Variants in OSBPL8 observed in about 807,000 individuals in gnomAD.
OSBPL8 encodes oxysterol-binding protein-related protein 8.
In OSBPL8, 59 loss-of-function variants were observed where a neutral mutation model predicts 125.5. That is an observed-to-expected ratio of 0.47 (90% CI 0.38 to 0.58). The LOEUF (loss-of-function observed/expected upper bound fraction) is 0.58. Among genes scored for constraint, OSBPL8 ranks in the 20% least tolerant of loss-of-function variants. The pLI is 0.00. For missense variants in OSBPL8, 758 were observed against 1,047.8 expected (o/e 0.72, Z 3.82); for synonymous variants, 330 against 338.9 (o/e 0.97, Z 0.29).
chr12:76,447,712 T>A (rs1197614223), intron 4 of OSBPL8, among the ~76,000 whole-genome samples: 1 of 152,074 alleles, frequency 6.6e-6, no homozygotes, highest in Non-Finnish European at 1.5e-5. Context: ...CCTGGCTAAT[T>A]TTTTTGTATT....
chr12:76,513,740 C>T, intron 1 of OSBPL8, among the ~76,000 whole-genome samples: 1 of 135,652 alleles, frequency 7.4e-6, no homozygotes, highest in Admixed American at 7.4e-5. Flanking sequence ...ATTCTAACCC[C>T]TGGGTTTTTT....
At chr12:76,457,319 G>A (rs978671600) in intron 3 of OSBPL8, among the ~76,000 whole-genome samples, 2 of 152,160 alleles carry the variant, frequency 1.3e-5, no homozygotes, top group Non-Finnish European at 2.9e-5. Context: ...GAATGGCAAC[G>A]TGTACGGTGT....
intron 3 of OSBPL8, among the ~76,000 whole-genome samples, chr12:76,453,581 A>C (rs1297350476): frequency 6.6e-6 from 1 of 152,210 alleles, no homozygotes; most frequent in East Asian, 1.9e-4. Context: ...GAATAGTTCT[A>C]TGAAGACTAC....
At chr12:76,468,359 C>T (rs1159603086) in intron 2 of OSBPL8, among the ~76,000 whole-genome samples, 1 of 152,226 alleles carries the variant, frequency 6.6e-6, no homozygotes, top group Non-Finnish European at 1.5e-5. Context: ...CTCCACTTAA[C>T]TCAAACTCCA....
chr12:76,451,786 G>A (rs760391622), intron 3 of OSBPL8, among the ~76,000 whole-genome samples: 54 of 152,090 alleles, frequency 3.6e-4, no homozygotes, highest in Non-Finnish European at 4.7e-4. Flanking sequence ...AGTACCTGAG[G>A]ATCTCCACAT....
intron 6 of OSBPL8, among the ~76,000 whole-genome samples, chr12:76,401,598 G>T (rs756680905): frequency 6.6e-6 from 1 of 152,012 alleles, no homozygotes; most frequent in Non-Finnish European, 1.5e-5. Flanking sequence ...ATTCAAACAG[G>T]GGCAAACTAG....
intron 17 of OSBPL8, among the ~76,000 whole-genome samples, chr12:76,374,478 G>A (rs1353202729): frequency 6.6e-6 from 1 of 152,104 alleles, no homozygotes; most frequent in Non-Finnish European, 1.5e-5. Context: ...CTAGGTCATG[G>A]AAAGGAAATG....
intron 1 of OSBPL8, among the ~76,000 whole-genome samples, chr12:76,519,737 AGC>A (rs1237749586): frequency 2.0e-5 from 3 of 152,160 alleles, no homozygotes; most frequent in Non-Finnish European, 2.9e-5. Flanking sequence ...GAAGGGGAGC[AGC>A]ATATCACATG....
intron 21 of OSBPL8, among the ~76,000 whole-genome samples, chr12:76,363,140 C>G (rs1952273282): frequency 6.6e-6 from 1 of 152,218 alleles, no homozygotes; most frequent in Non-Finnish European, 1.5e-5. Flanking sequence ...CTATACCCCT[C>G]AAGCTACCAC....
At chr12:76,431,698 A>G (rs965144062) in intron 4 of OSBPL8, among the ~76,000 whole-genome samples, 1 of 152,206 alleles carries the variant, frequency 6.6e-6, no homozygotes, top group African/African-American at 2.4e-5. Flanking sequence ...ATAGGAAGAC[A>G]GAACAACTAC....
Position 76,380,351 on chromosome 12 carries a change from T to C in OSBPL8, c.1631-1801A>G, listed in dbSNP as rs1952989728. Among the ~76,000 whole-genome samples, 9 of 152,246 alleles carry C rather than the reference T, an allele frequency of 5.9e-5. No homozygotes were observed. The South Asian group carries it at 1.9e-3, about 32-fold the overall frequency. ...GTATACACGACTTACACATCTTTTA[T>C]TAAATTTATTTTTAAATACATTATT... On this transcript the variant is annotated intron_variant, in intron 15 of 23. Transcript: ENST00000261183.
chr12:76,558,469 T>C (rs761493264), intron 1 of OSBPL8, among the ~76,000 whole-genome samples: 31 of 152,342 alleles, frequency 2.0e-4, no homozygotes, highest in African/African-American at 6.5e-4. Flanking sequence ...TTAACTGCCA[T>C]GCAGGAGACA....
intron 1 of OSBPL8, among the ~76,000 whole-genome samples, chr12:76,539,473 T>C (rs1401480199): frequency 6.6e-6 from 1 of 151,600 alleles, no homozygotes; most frequent in African/African-American, 2.4e-5. Flanking sequence ...TAAAAACAGA[T>C]AAAAATAAAA....
rs73385558 is a variant in OSBPL8 at position 76,527,287 on chromosome 12, C to T, written c.-68+32110G>A. Among the ~76,000 whole-genome samples the T allele has an allele frequency of 5.0e-3, 765 of 152,122 alleles. 9 individuals are homozygous for T. The highest frequency in any genetic ancestry group is 0.018 in the African/African-American group (735 of 41,462). The stretch of plus-strand genomic sequence containing the variant: ...TGCAACATGAGGCAACTTACAATAA[C>T]TACAACCAATCAATAAAGTACATTA... On this transcript the variant is annotated intron_variant, in intron 1 of 23. Coordinates refer to ENST00000261183, the MANE Select transcript of OSBPL8 (RefSeq NM_020841.5).
chr12:76,514,243 C>G (rs1881306276), intron 1 of OSBPL8, among the ~76,000 whole-genome samples: 1 of 152,080 alleles, frequency 6.6e-6, no homozygotes. Flanking sequence ...CTCCCGGGTT[C>G]AAGCGATTCT....
intron 2 of OSBPL8, among the ~76,000 whole-genome samples, chr12:76,465,511 G>T (rs1391216561): frequency 6.6e-6 from 1 of 152,012 alleles, no homozygotes; most frequent in African/African-American, 2.4e-5. Context: ...AGTGAGCCAA[G>T]ATCACGCCAC....
At chr12:76,524,452 G>T (rs1481384720) in intron 1 of OSBPL8, among the ~76,000 whole-genome samples, 1 of 151,920 alleles carries the variant, frequency 6.6e-6, no homozygotes, top group Non-Finnish European at 1.5e-5. Flanking sequence ...TTTTTAAATG[G>T]CAGGGCCTTT....
chr12:76,530,523 CT>C (rs1950306577), intron 1 of OSBPL8, among the ~76,000 whole-genome samples: 1 of 152,190 alleles, frequency 6.6e-6, no homozygotes, highest in Admixed American at 6.5e-5. Flanking sequence ...TCCTCCCATT[CT>C]TTTATTCATC....
chr12:76,483,815 C>A (rs1036002207), intron 2 of OSBPL8, among the ~76,000 whole-genome samples: 4 of 151,394 alleles, frequency 2.6e-5, no homozygotes, highest in Admixed American at 6.6e-5. Context: ...GCTGGGATTA[C>A]AGGTGCCCGC....
Sources: gnomAD v4.1 joint callset for allele counts (sites outside exome capture counted in the v4.1 genomes callset) on GRCh38, gnomAD v4.1.1 for gene constraint, MANE v1.5 for transcripts, NCBI Gene and HGNC (gene_info 2026-07-23, HGNC 2026-07-21) for gene names.